The following CAST variants were observed in gnomAD, a reference collection of about 807,000 sequenced individuals.
CAST encodes the protein calpastatin.
In CAST, 76 loss-of-function variants were observed where a neutral mutation model predicts 119.6. The observed-to-expected ratio is 0.64, with a 90% CI of 0.53 to 0.77. The LOEUF (loss-of-function observed/expected upper bound fraction) is 0.77, where lower values mean the gene tolerates loss of function less well. Ranked by LOEUF, CAST falls within the 30% of genes least tolerant of loss-of-function variation. CAST has a pLI of 0.00. For synonymous variants in CAST, 319 were observed against 331.6 expected, an observed-to-expected ratio of 0.96 and a Z score of 0.41; for missense variants, 953 against 946.5, an observed-to-expected ratio of 1.01 and a Z score of -0.09.
chr5:96,757,433 C>G lies in CAST; in HGVS notation c.1711-11C>G, dbSNP rs200665340. The G allele has an allele frequency of 6.2e-7, 1 of 1,613,162 alleles. No homozygotes were observed. The highest frequency in any genetic ancestry group is 8.5e-7 in the Non-Finnish European group (1 of 1,179,162). On this transcript the variant is annotated splice_polypyrimidine_tract_variant and intron_variant, in intron 22 of 31. Coordinates refer to ENST00000675179, the MANE Select transcript of CAST (RefSeq NM_001750.7). ...AATGATTTCATGCCATGTGTTTTCC[C>G]CCCCGGATAGGATAAAGATGGAAAG...
At chr5:96,244,842 T>C in the CAST span, among the ~76,000 whole-genome samples, 1 of 152,222 alleles carries the variant, frequency 6.6e-6, no homozygotes, top group African/African-American at 2.4e-5. Flanking sequence ...TAAATATTTA[T>C]TGAGTGACTT....
rs543651636 is a variant in CAST, at chr5:96,533,674, C to A, written c.60+3794C>A. On this transcript the variant is annotated intron_variant, in intron 1 of 11. Transcript: ENST00000505143. ...GGCCATGCACTTCCATAGAAAAAAA[C>A]AAAATGCCACTTTTCATTCAGATGG... Among the ~76,000 whole-genome samples, 36 of 152,210 alleles carry A rather than the reference C, an allele frequency of 2.4e-4. 1 individual carries two copies. The East Asian group carries it at 6.6e-3, about 28-fold the overall frequency.
At chr5:96,282,852 G>C in the CAST span, among the ~76,000 whole-genome samples, 1 of 152,028 alleles carries the variant, frequency 6.6e-6, no homozygotes, top group South Asian at 2.1e-4. Context: ...TTTGTTGGCC[G>C]GGCGCGGTGG....
At chr5:96,106,547 T>G in the CAST span, among the ~76,000 whole-genome samples, 1 of 150,546 alleles carries the variant, frequency 6.6e-6, no homozygotes, top group Non-Finnish European at 1.5e-5. Context: ...GTGAGATTCT[T>G]AATCCTGAGT....
chr5:96,172,059 G>T, the CAST span, among the ~76,000 whole-genome samples: 1 of 152,242 alleles, frequency 6.6e-6, no homozygotes, highest in African/African-American at 2.4e-5. Flanking sequence ...GGCAGGCTGA[G>T]TCTCAAAAGA....
chr5:96,507,681 G>A, the CAST span, among the ~76,000 whole-genome samples: 1 of 152,122 alleles, frequency 6.6e-6, no homozygotes, highest in South Asian at 2.1e-4. Context: ...ATTACCCAGG[G>A]TGCTCTGTCC....
At chr5:96,702,897 G>GGTCCGGT in intron 3 of CAST, 2 of 985,554 alleles carry the variant, frequency 2.0e-6, no homozygotes, top group Non-Finnish European at 2.4e-6. Context: ...AGGACTGCGG[G>GGTCCGGT]GTCCGGTGTC....
chr5:96,139,938 G>A, the CAST span, among the ~76,000 whole-genome samples: 7 of 152,226 alleles, frequency 4.6e-5, no homozygotes, highest in Admixed American at 2.0e-4. Flanking sequence ...TTGCTTAAAT[G>A]CTTTACATCC....
chr5:96,007,153 T>C, the CAST span, among the ~76,000 whole-genome samples: 1 of 152,228 alleles, frequency 6.6e-6, no homozygotes, highest in African/African-American at 2.4e-5. Flanking sequence ...GTGTAATCTC[T>C]TGTGCTTGGA....
At chr5:96,118,047 G>C in the CAST span, among the ~76,000 whole-genome samples, 1 of 152,156 alleles carries the variant, frequency 6.6e-6, no homozygotes, top group Non-Finnish European at 1.5e-5. Flanking sequence ...ACTTAATAAG[G>C]ATACGTTTGC....
chr5:96,035,650 A>G, the CAST span, among the ~76,000 whole-genome samples: 1 of 151,836 alleles, frequency 6.6e-6, no homozygotes, highest in South Asian at 2.1e-4. Context: ...TGAAGGTGGG[A>G]GGAATTAGGT....
intron 1 of CAST, among the ~76,000 whole-genome samples, chr5:96,548,747 T>A (rs1459839): frequency 2.6e-5 from 4 of 152,100 alleles, no homozygotes; most frequent in African/African-American, 4.8e-5. Flanking sequence ...GAGCATCTTC[T>A]GGGTAGAGCT....
chr5:96,130,246 C>T, the CAST span, among the ~76,000 whole-genome samples: 1 of 151,564 alleles, frequency 6.6e-6, no homozygotes, highest in Non-Finnish European at 1.5e-5. Flanking sequence ...TCCCATAACC[C>T]CAGTCCAATA....
chr5:95,973,755 C>T, the CAST span, among the ~76,000 whole-genome samples: 5 of 152,266 alleles, frequency 3.3e-5, no homozygotes, highest in South Asian at 6.2e-4. Flanking sequence ...AACTTTAGAA[C>T]ATCTCTGCAA....
chr5:96,590,946 G>A (rs571992478), intron 1 of CAST, among the ~76,000 whole-genome samples: 1 of 152,282 alleles, frequency 6.6e-6, no homozygotes, highest in East Asian at 1.9e-4. Context: ...TAAACCTTTA[G>A]CAATGGCAAC....
At position 96,722,638 on chromosome 5, in the gene CAST, G is replaced by A; in HGVS notation, c.211-1G>A. The A allele has an allele frequency of 1.2e-6, 2 of 1,609,576 alleles. No individual in the cohort carries two copies. Among genetic ancestry groups the A allele is most frequent in the Non-Finnish European group, 8.5e-7 (1 of 1,175,874 alleles). The stretch of plus-strand genomic sequence containing the variant: ...TTTCTATTTCTTTCTTTCCTTTCTA[G>A]GTGTCAGCTTCCTCTGGTGCAACCA... On this transcript the variant is annotated splice_acceptor_variant, in intron 3 of 31. Coordinates refer to ENST00000675179, the MANE Select transcript of CAST (RefSeq NM_001750.7). LOFTEE classifies it high-confidence loss of function.
In CAST at chr5:96,551,042, A is replaced by C. The variant is rs185524823; in HGVS notation, c.60+21162A>C. Among the ~76,000 whole-genome samples, 162 of 152,338 alleles carry C rather than the reference A, an allele frequency of 1.1e-3. 1 individual carries two copies. The highest frequency in any genetic ancestry group is 2.4e-3 in the Admixed American group (37 of 15,302). ...CCCCAATCTAGCAAGGCAGGCCAAC[A>C]TTCAAATTCAGGAAATACAGAGAAC... is the stretch of plus-strand genomic sequence containing the variant. On this transcript the variant is annotated intron_variant, in intron 1 of 11. Coordinates refer to the CAST transcript ENST00000505143.
At chr5:96,168,123 A>G in the CAST span, among the ~76,000 whole-genome samples, 10 of 152,168 alleles carry the variant, frequency 6.6e-5, no homozygotes, top group Admixed American at 3.9e-4. Flanking sequence ...GCCTTGTGTG[A>G]GAAGAGATTG....
the CAST span, among the ~76,000 whole-genome samples, chr5:96,501,955 A>G: frequency 1.1e-4 from 17 of 152,338 alleles, no homozygotes; most frequent in Non-Finnish European, 1.9e-4. Flanking sequence ...AGAGGTGTAC[A>G]CCTATGATAT....
Sources: allele counts gnomAD v4.1 joint callset (sites outside exome capture counted in the v4.1 genomes callset), GRCh38; gene constraint gnomAD v4.1.1; transcripts MANE v1.5; gene names NCBI Gene and HGNC (gene_info 2026-07-23, HGNC 2026-07-21).